Variants in CARD14 observed in about 807,000 individuals in gnomAD.
The protein encoded by CARD14 is caspase recruitment domain family member 14.
A neutral mutation model predicts 111.5 loss-of-function variants in CARD14; 107 were observed. The observed-to-expected ratio is 0.96, with a 90% CI of 0.82 to 1.13. CARD14 has a LOEUF of 1.13. CARD14 is among the 50% of genes most tolerant of loss of function. The pLI is 0.00. For synonymous variants in CARD14, 617 were observed against 579.6 expected, an observed-to-expected ratio of 1.06 and a Z score of -0.93; for missense variants, 1,322 against 1,362.3, an observed-to-expected ratio of 0.97 and a Z score of 0.47.
chr17:80,197,405 T>C (rs1297691181), intron 14 of CARD14: 1 of 151,274 alleles, frequency 6.6e-6, no homozygotes, highest in Non-Finnish European at 1.5e-5. Context: ...TGGTGGCACA[T>C]GCCTCTAGTC....
chr17:80,207,786 C>A (rs2041416148), intron 23 of CARD14: 1 of 259,270 alleles, frequency 3.9e-6, no homozygotes, highest in Non-Finnish European at 7.2e-6. Context: ...AAGGCCAGAA[C>A]CCCACCCGGC....
Position 80,198,509 on chromosome 17 carries a change from T to G in CARD14, c.1769T>G (p.Leu590Arg), listed in dbSNP as rs761891614. The part of the protein sequence containing the change: ...LEQISVIGGN[L>R]TGIFIHRVTP... ...CAGATCAGCGTCATCGGCGGGAACC[T>G]CACGGGCATCTTCATCCACCGGGTC... Residue 590 changes from leucine (L) to arginine (R), a missense_variant, in exon 16 of 24, where the codon CTC becomes CGC. Coordinates refer to ENST00000648509, the MANE Select transcript of CARD14 (RefSeq NM_001366385.1). The surrounding 1 kb of genome is among the most constrained non-coding windows in gnomAD (Gnocchi z 7.5). 6.2e-7 allele frequency: 1 copy of G among 1,613,170 alleles called. No individual in the cohort carries two copies.
chr17:80,185,580 G>A (rs938590373), intron 7 of CARD14, among the ~76,000 whole-genome samples: 1 of 152,128 alleles, frequency 6.6e-6, no homozygotes, highest in African/African-American at 2.4e-5. Flanking sequence ...CTCAACTTCA[G>A]TCTTTTTGGT....
chr17:80,195,480 G>C lies in CARD14; in HGVS notation c.1500-78G>C, dbSNP rs939643406. The C allele has an allele frequency of 1.3e-6, 2 of 1,515,492 alleles. No individual in the cohort carries two copies. The highest frequency in any genetic ancestry group is 2.0e-5 in the Admixed American group (1 of 51,046). The allele number at this position is 1,515,492 out of a possible 1,614,324, so 93.9% of individuals were successfully genotyped here. The stretch of plus-strand genomic sequence containing the variant: ...GAAGCCCCAGAGCTGGCAGGTGCTG[G>C]GGGCCAGTGCTTGGGGCGTGGGGAC... On this transcript the variant is annotated intron_variant, in intron 13 of 23. Coordinates refer to ENST00000648509, the MANE Select transcript of CARD14 (RefSeq NM_001366385.1). The surrounding 1 kb of genome is among the most constrained non-coding windows in gnomAD (Gnocchi z 4.7).
chr17:80,200,191 G>A (rs1025704898), intron 16 of CARD14, among the ~76,000 whole-genome samples: 1 of 148,636 alleles, frequency 6.7e-6, no homozygotes, highest in Non-Finnish European at 1.5e-5. Context: ...CGTCCTTCAC[G>A]TCCTCCACAT....
intron 14 of CARD14, 147 bp from the exon 15 acceptor site, chr17:80,197,952 G>A (rs2040777628): frequency 1.4e-6 from 1 of 735,792 alleles, no homozygotes; most frequent in Non-Finnish European, 2.4e-6. Flanking sequence ...AGGGAGAAGG[G>A]GCTGAGGTTA....
intron 4 of CARD14, among the ~76,000 whole-genome samples, chr17:80,179,824 C>G (rs2040112883): frequency 1.3e-5 from 2 of 151,922 alleles, no homozygotes; most frequent in African/African-American, 4.8e-5. Flanking sequence ...AGAGTGAGAC[C>G]CTACCTCAAA....
Position 80,195,538 on chromosome 17 carries a change from C to A in CARD14, c.1500-20C>A. On this transcript the variant is annotated intron_variant, in intron 13 of 23. Transcript: ENST00000648509. This position sits in a 1 kb window ranked among gnomAD's most constrained non-coding sequence, Gnocchi z 4.7. The stretch of plus-strand genomic sequence containing the variant: ...GAGCAGGTGATGCAGTTTGAGCCTG[C>A]TGCTGCTTATGCTTTGCAGCAGCTG... 6 of 1,602,906 alleles carry A rather than the reference C, an allele frequency of 3.7e-6. No individual in the cohort carries two copies. Among genetic ancestry groups the A allele is most frequent in the Non-Finnish European group, 5.1e-6 (6 of 1,175,564 alleles).
At chr17:80,202,477 C>A (rs922885202) in intron 18 of CARD14, 57 bp downstream of exon 18, 1 of 1,580,106 alleles carries the variant, frequency 6.3e-7, no homozygotes, top group Non-Finnish European at 8.6e-7. Context: ...GGAAATGGCA[C>A]CCAGCCTGCC....
intron 1 of CARD14, among the ~76,000 whole-genome samples, chr17:80,170,799 C>CCTCCCCTCCCGTCCG (rs1257445247): frequency 1.1e-5 from 1 of 93,558 alleles, no homozygotes; most frequent in African/African-American, 4.0e-5. Context: ...CCTCCCGTCC[C>CCTCCCCTCCCGTCCG]CTCCCCTCCT....
intron 16 of CARD14, among the ~76,000 whole-genome samples, chr17:80,200,300 G>A (rs1338484606): frequency 1.5e-5 from 2 of 132,512 alleles, no homozygotes; most frequent in Non-Finnish European, 3.1e-5. Context: ...GCAGTGGCTC[G>A]ATCTTGGCCC....
chr17:80,204,437 C>T, intron 20 of CARD14, 96 bp downstream of exon 20: 1 of 1,222,846 alleles, frequency 8.2e-7, no homozygotes, highest in Non-Finnish European at 1.1e-6. Context: ...CAGGGGGATG[C>T]CACTCATTTA....
rs1285618589 is a variant in CARD14 at position 80,209,010 on chromosome 17, T to A, written c.*665T>A. The A allele has an allele frequency of 6.6e-6, 1 of 152,362 alleles. No homozygotes were observed. The highest frequency in any genetic ancestry group is 1.5e-5 in the Non-Finnish European group (1 of 68,152). The allele number at this position is 152,362 out of a possible 1,614,324, so 9.4% of individuals were successfully genotyped here. A position where few individuals can be genotyped will look rare whatever the true frequency, so the allele number is the denominator to read the frequency against. ...TGTGCCCCGTGGCCCCTGTGCCTGT[T>A]CGGTGGGGGTGTCCCAGAGAAGCCT... On this transcript the variant is annotated 3_prime_UTR_variant, in exon 24 of 24. Transcript: ENST00000648509.
chr17:80,173,943 T>C (rs1490050042), intron 2 of CARD14, among the ~76,000 whole-genome samples: 5 of 152,266 alleles, frequency 3.3e-5, no homozygotes, highest in South Asian at 2.1e-4. Context: ...ATGCCAAATG[T>C]AGTAGAACAG....
chr17:80,199,141 AC>A (rs2040839006), intron 16 of CARD14, among the ~76,000 whole-genome samples: 1 of 151,986 alleles, frequency 6.6e-6, no homozygotes, highest in South Asian at 2.1e-4. Flanking sequence ...ATTTTCTAAA[AC>A]TTTTTTTTGT....
intron 5 of CARD14, among the ~76,000 whole-genome samples, chr17:80,181,871 T>G (rs1343476472): frequency 6.6e-6 from 1 of 152,226 alleles, no homozygotes; most frequent in Non-Finnish European, 1.5e-5. Context: ...CTGGACAGGT[T>G]CCAGGTGGAT....
rs1166694232 is a variant in CARD14 at position 80,195,464 on chromosome 17, G to A, written c.1500-94G>A. 3.5e-5 allele frequency: 53 copies of A among 1,508,130 alleles called. No homozygotes were observed. The highest frequency in any genetic ancestry group is 4.7e-5 in the Non-Finnish European group (53 of 1,119,850). 93.4% of individuals were successfully genotyped at this position (1,508,130 alleles called of 1,614,324 possible). On this transcript the variant is annotated intron_variant, in intron 13 of 23. Transcript: ENST00000648509. This position sits in a 1 kb window ranked among gnomAD's most constrained non-coding sequence, Gnocchi z 4.7. The stretch of plus-strand genomic sequence containing the variant: ...AGCAGCTCCTGCCCTCGAAGCCCCA[G>A]AGCTGGCAGGTGCTGGGGGCCAGTG...
intron 6 of CARD14, 136 bp from the exon 7 acceptor site, chr17:80,183,777 C>T (rs181396733): frequency 1.4e-4 from 66 of 471,992 alleles, no homozygotes; most frequent in African/African-American, 5.2e-4. Context: ...CATGCTCACC[C>T]GCCCACATGC....
chr17:80,182,683 G>A lies in CARD14; in HGVS notation c.242G>A (p.Gly81Glu), dbSNP rs182274963. 1 of 1,614,132 alleles carries A rather than the reference G, an allele frequency of 6.2e-7. No individual in the cohort carries two copies. Among genetic ancestry groups the A allele is most frequent in the Non-Finnish European group, 8.5e-7 (1 of 1,180,014 alleles). ...GHLLDLLKTR[G>E]KNGAIAFLES... ...TTGCTGGATTTGCTGAAGACTCGAG[G>A]GAAGAACGGGGCCATCGCCTTCCTG... The change falls in exon 6 of 24, where the codon GGG becomes GAG. Residue 81 changes from glycine (G) to glutamate (E), a missense_variant. Physicochemically the swap from Gly to Glu is moderately conservative, Grantham distance 98 (BLOSUM62 -2). Coordinates refer to ENST00000648509, the MANE Select transcript of CARD14 (RefSeq NM_001366385.1). The surrounding 1 kb of genome is among the most constrained non-coding windows in gnomAD (Gnocchi z 4.7).
Sources: gnomAD v4.1 joint callset for allele counts (sites outside exome capture counted in the v4.1 genomes callset) on GRCh38, gnomAD v4.1.1 for gene constraint, Gnocchi (gnomAD v3.1) non-coding constraint, MANE v1.5 for transcripts, NCBI Gene and HGNC (gene_info 2026-07-23, HGNC 2026-07-21) for gene names.